The following TXNL1 variants were observed in gnomAD, a reference collection of about 807,000 sequenced individuals.
The protein encoded by TXNL1 is thioredoxin-like protein 1.
A neutral mutation model predicts 35.5 loss-of-function variants in TXNL1; 14 were observed. The observed-to-expected ratio is 0.39, with a 90% CI of 0.26 to 0.62. The LOEUF is 0.62. TXNL1 is among the 20% of genes least tolerant of loss of function. TXNL1 has a pLI of 0.47. For missense variants in TXNL1, 263 were observed against 349.7 expected, an observed-to-expected ratio of 0.75 and a Z score of 1.98; for synonymous variants, 110 against 115.5, an observed-to-expected ratio of 0.95 and a Z score of 0.31.
chr18:56,615,534 C>G (rs1190492471), intron 5 of TXNL1, among the ~76,000 whole-genome samples: 6 of 151,464 alleles, frequency 4.0e-5, no homozygotes, highest in Non-Finnish European at 8.8e-5. Flanking sequence ...TCTGCACAAT[C>G]ATATTTACAT....
intron 7 of TXNL1, among the ~76,000 whole-genome samples, chr18:56,606,484 T>C (rs140335592): frequency 3.5e-4 from 53 of 152,328 alleles, no homozygotes; most frequent in East Asian, 5.8e-4. Flanking sequence ...CCTTGAACGA[T>C]TGAATCCTCC....
chr18:56,621,202 GTA>G (rs761074805), intron 3 of TXNL1, among the ~76,000 whole-genome samples: 2 of 104,002 alleles, frequency 1.9e-5, no homozygotes, highest in Admixed American at 2.8e-4. Flanking sequence ...ACATATATAT[GTA>G]TTTTTTTTTT....
At chr18:56,605,947 A>G (rs1224213037) in intron 7 of TXNL1, among the ~76,000 whole-genome samples, 1 of 152,274 alleles carries the variant, frequency 6.6e-6, no homozygotes, top group African/African-American at 2.4e-5. Flanking sequence ...AGATAAAAAT[A>G]TAAACTGAAA....
intron 7 of TXNL1, 117 bp downstream of exon 7, chr18:56,610,876 G>T: frequency 1.5e-6 from 1 of 649,598 alleles, no homozygotes; most frequent in Non-Finnish European, 2.5e-6. Flanking sequence ...AAAATTTCAT[G>T]ACATGATATA....
chr18:56,606,905 G>C (rs189507692), intron 7 of TXNL1, among the ~76,000 whole-genome samples: 1 of 152,314 alleles, frequency 6.6e-6, no homozygotes, highest in Non-Finnish European at 1.5e-5. Context: ...GAGCAAGCAT[G>C]GGAGAGACCA....
chr18:56,607,657 A>G (rs1424862998), intron 7 of TXNL1, among the ~76,000 whole-genome samples: 6 of 152,100 alleles, frequency 3.9e-5, no homozygotes, highest in Non-Finnish European at 8.8e-5. Context: ...GGAGTTTGAG[A>G]CCAGCCTGGC....
intron 6 of TXNL1, among the ~76,000 whole-genome samples, chr18:56,611,621 T>C (rs994593477): frequency 1.3e-5 from 2 of 152,290 alleles, no homozygotes; most frequent in Non-Finnish European, 2.9e-5. Flanking sequence ...AGAGATGTCA[T>C]GGCAAGAGAC....
intron 1 of TXNL1, among the ~76,000 whole-genome samples, chr18:56,631,260 G>C (rs1210412176): frequency 6.6e-6 from 1 of 152,144 alleles, no homozygotes; most frequent in Non-Finnish European, 1.5e-5. Context: ...CTGAGATCAT[G>C]AACAAGTCAC....
At chr18:56,626,768 G>C (rs2024287924) in intron 1 of TXNL1, among the ~76,000 whole-genome samples, 1 of 140,588 alleles carries the variant, frequency 7.1e-6, no homozygotes, top group Non-Finnish European at 1.5e-5. Flanking sequence ...CAAAGTGCTG[G>C]GATTACAGGC....
rs573399 is a variant in TXNL1 at position 56,598,616 on chromosome 18, G to A, written c.*4411C>T. On this transcript the variant is annotated 3_prime_UTR_variant, in exon 8 of 8. Transcript: ENST00000217515. Reference sequence around the variant, plus strand: ...AAAAGAGAACCAGCGGCCATGTGGGGGATACATGAGAGAGGCCAGAGCAGA... The same window carrying A: ...AAAAGAGAACCAGCGGCCATGTGGGAGATACATGAGAGAGGCCAGAGCAGA... 0.24 allele frequency: 37,157 copies of A among 152,164 alleles called. 4,964 individuals are homozygous for A. Among genetic ancestry groups the A allele is most frequent in the African/African-American group, 0.36 (14,750 of 41,394 alleles). 9.4% of individuals were successfully genotyped at this position (152,164 alleles called of 1,614,324 possible). A position where few individuals can be genotyped will look rare whatever the true frequency, so the allele number is the denominator to read the frequency against.
chr18:56,608,848 GAGGCTGGAGGATC>G (rs2023943998), intron 7 of TXNL1: 1 of 151,906 alleles, frequency 6.6e-6, no homozygotes, highest in African/African-American at 2.4e-5. Flanking sequence ...TCGTGAGGCT[GAGGCTGGAGGATC>G]ACTTGAGCCC....
At chr18:56,616,647 T>C (rs2024091674) in intron 4 of TXNL1, among the ~76,000 whole-genome samples, 1 of 152,204 alleles carries the variant, frequency 6.6e-6, no homozygotes, top group African/African-American at 2.4e-5. Flanking sequence ...AAATAAAATT[T>C]AAACTAACAT....
At position 56,600,581 on chromosome 18, in the gene TXNL1, T is replaced by C. The variant is rs2023799246; in HGVS notation, c.*2446A>G. On this transcript the variant is annotated 3_prime_UTR_variant, in exon 8 of 8. Transcript: ENST00000217515. ...TGTTATGTGGCTGCCTCCAACAGTA[T>C]ATTGAGACTGGGGAACAACGTGGGG... 1 of 149,638 alleles carries C rather than the reference T, an allele frequency of 6.7e-6. No individual in the cohort carries two copies. The highest frequency in any genetic ancestry group is 2.1e-4 in the South Asian group (1 of 4,672). 9.3% of individuals were successfully genotyped at this position (149,638 alleles called of 1,614,324 possible).
At chr18:56,604,978 T>G (rs1407344652) in intron 7 of TXNL1, among the ~76,000 whole-genome samples, 1 of 151,678 alleles carries the variant, frequency 6.6e-6, no homozygotes, top group Admixed American at 6.6e-5. Context: ...TTAATTTTAT[T>G]GTGATGTTAT....
chr18:56,638,315 G>A (rs1488097321), intron 1 of TXNL1, 28 bp downstream of exon 1: 7 of 1,590,484 alleles, frequency 4.4e-6, no homozygotes, highest in Non-Finnish European at 6.0e-6. Context: ...GACAGACGGG[G>A]ACCCACAGAG....
intron 1 of TXNL1, among the ~76,000 whole-genome samples, chr18:56,636,488 C>T (rs1034052877): frequency 2.0e-5 from 3 of 152,074 alleles, no homozygotes; most frequent in Non-Finnish European, 4.4e-5. Context: ...AATAATCTTA[C>T]CAGATTTGTA....
intron 1 of TXNL1, among the ~76,000 whole-genome samples, chr18:56,627,421 C>T (rs2024303421): frequency 6.6e-6 from 1 of 152,046 alleles, no homozygotes; most frequent in African/African-American, 2.4e-5. Flanking sequence ...TAGAGAAATG[C>T]CAAGGACAGC....
At position 56,607,463 on chromosome 18, in the gene TXNL1, G is replaced by A. The variant is rs377241966; in HGVS notation, c.840+3530C>T. ...TGAGCCACCATGCTCTGGCTTTGTTGTTAAATCTCTTACTGTGCCTAATTT... is the reference window on the plus strand; with the variant it reads ...TGAGCCACCATGCTCTGGCTTTGTTATTAAATCTCTTACTGTGCCTAATTT... On this transcript the variant is annotated intron_variant, in intron 7 of 7. Coordinates refer to ENST00000217515, the MANE Select transcript of TXNL1 (RefSeq NM_004786.3). 2.6e-4 allele frequency among the ~76,000 whole-genome samples: 39 copies of A among 151,908 alleles called. 1 individual carries two copies. The South Asian group carries it at 8.1e-3, about 32-fold the overall frequency.
intron 6 of TXNL1, among the ~76,000 whole-genome samples, chr18:56,612,015 A>AT (rs1217872694): frequency 0.012 from 1,223 of 105,444 alleles, 65 homozygotes; most frequent in South Asian, 0.022. Flanking sequence ...CGCCCGGCTA[A>AT]TCTTTTTTTT....
Sources: allele counts gnomAD v4.1 joint callset (sites outside exome capture counted in the v4.1 genomes callset), GRCh38; gene constraint gnomAD v4.1.1; transcripts MANE v1.5; gene names NCBI Gene and HGNC (gene_info 2026-07-23, HGNC 2026-07-21).